ARMC9: variants seen among roughly 807,000 people sequenced by gnomAD.
ARMC9 encodes the protein armadillo repeat containing 9.
ARMC9 carries 94 observed loss-of-function variants against 107.0 expected under a neutral mutation model. The observed-to-expected ratio is 0.88, with a 90% CI of 0.74 to 1.04. The LOEUF is 1.04. ARMC9 is among the 50% of genes least tolerant of loss of function. ARMC9 has a pLI of 0.00. For synonymous variants in ARMC9, 380 were observed against 396.9 expected, an observed-to-expected ratio of 0.96 and a Z score of 0.51; for missense variants, 942 against 1,030.1, an observed-to-expected ratio of 0.91 and a Z score of 1.17.
At chr2:231,311,240 G>T (rs1417111827) in intron 19 of ARMC9, among the ~76,000 whole-genome samples, 1 of 152,232 alleles carries the variant, frequency 6.6e-6, no homozygotes, top group African/African-American at 2.4e-5. Context: ...GCAGCCGGCT[G>T]TGTGCTACTT....
rs2045327246 is a variant in ARMC9 at position 231,355,911 on chromosome 2, C to T, written c.2108C>T (p.Pro703Leu). The change falls in exon 22 of 25, where the codon CCG (proline) becomes CTG (leucine). Residue 703 changes from proline (P) to leucine (L), a missense_variant. Coordinates refer to ENST00000611582, the MANE Select transcript of ARMC9 (RefSeq NM_001352754.2). ...TACAGGGAGGGCAAGCCCAGCACCC[C>T]GGAGTCCTGCGTCTCCTCTTCATGT... ...AVYREGKPST[P>L]ESCVSSSSAI... 12 of 1,535,876 alleles carry T rather than the reference C, an allele frequency of 7.8e-6. No homozygotes were observed. In the East Asian group the frequency reaches 9.8e-5, roughly 13 times the overall value.
chr2:231,363,269 G>A (rs2045666664), intron 23 of ARMC9, among the ~76,000 whole-genome samples: 1 of 152,202 alleles, frequency 6.6e-6, no homozygotes, highest in Non-Finnish European at 1.5e-5. Context: ...GGCTTTGGTG[G>A]GGAACGTTTG....
chr2:231,209,741 G>T (rs1459801528), intron 3 of ARMC9, among the ~76,000 whole-genome samples: 1 of 152,112 alleles, frequency 6.6e-6, no homozygotes. Flanking sequence ...TCACCAGGTT[G>T]GCCAGGCTGG....
At chr2:231,322,847 C>T (rs563231997) in intron 19 of ARMC9, among the ~76,000 whole-genome samples, 32 of 152,162 alleles carry the variant, frequency 2.1e-4, no homozygotes, top group Non-Finnish European at 3.7e-4. Context: ...CCCACCCTAA[C>T]GAGGCATTTA....
intron 20 of ARMC9, among the ~76,000 whole-genome samples, chr2:231,332,422 T>C (rs1669086): frequency 0.33 from 50,271 of 151,916 alleles, 8,451 homozygotes; most frequent in Middle Eastern, 0.38. Flanking sequence ...TCACTGCGTC[T>C]TCAGGAGAAC....
rs201532523 is a variant in ARMC9, at chr2:231,282,180, A to C, written c.1626+47A>C. The C allele has an allele frequency of 2.6e-5, 41 of 1,589,768 alleles. No homozygotes were observed. In the Admixed American group the frequency reaches 5.5e-4, roughly 21 times the overall value. On this transcript the variant is annotated intron_variant, in intron 17 of 24. Coordinates refer to ENST00000611582, the MANE Select transcript of ARMC9 (RefSeq NM_001352754.2). Reference sequence around the variant, plus strand: ...ACATGTGAGCTTCCTTTAGTGCCACAGTTCAGAGCTTTTAGAGCAAGACCT... The same window carrying C: ...ACATGTGAGCTTCCTTTAGTGCCACCGTTCAGAGCTTTTAGAGCAAGACCT...
intron 13 of ARMC9, among the ~76,000 whole-genome samples, chr2:231,271,330 C>T (rs2039310980): frequency 6.6e-6 from 1 of 152,154 alleles, no homozygotes; most frequent in Non-Finnish European, 1.5e-5. Flanking sequence ...GGTTTTGTAA[C>T]ATAGTAACAT....
chr2:231,287,034 C>T (rs1273471622), intron 17 of ARMC9, among the ~76,000 whole-genome samples: 1 of 152,204 alleles, frequency 6.6e-6, no homozygotes, highest in Non-Finnish European at 1.5e-5. Context: ...GGGACCCCAA[C>T]AAACATCCTG....
chr2:231,277,543 G>A (rs992262955), intron 15 of ARMC9, among the ~76,000 whole-genome samples: 3 of 116,896 alleles, frequency 2.6e-5, no homozygotes, highest in Non-Finnish European at 1.6e-5. Flanking sequence ...TAAAAAAATA[G>A]CATGCAAAAA....
At chr2:231,304,673 A>T (rs548676513) in intron 19 of ARMC9, among the ~76,000 whole-genome samples, 2 of 152,362 alleles carry the variant, frequency 1.3e-5, no homozygotes, top group African/African-American at 4.8e-5. Context: ...CTGGGATTAC[A>T]GGTGTGAGCC....
chr2:231,334,932 G>C (rs1575119024), intron 20 of ARMC9, among the ~76,000 whole-genome samples: 1 of 152,160 alleles, frequency 6.6e-6, no homozygotes, highest in African/African-American at 2.4e-5. Flanking sequence ...ACGTTTCACT[G>C]GGAAATATGT....
chr2:231,278,765 T>C (rs2039974923), intron 16 of ARMC9, among the ~76,000 whole-genome samples: 1 of 152,116 alleles, frequency 6.6e-6, no homozygotes, highest in South Asian at 2.1e-4. Context: ...TGCCATTCCC[T>C]TGGTATGTTT....
Position 231,297,829 on chromosome 2 carries a change from T to G in ARMC9, c.1773+1576T>G, listed in dbSNP as rs1423677816. The stretch of plus-strand genomic sequence containing the variant: ...TTAAATTAATATTTAATTATTTGTT[T>G]TTAACAACTTTTTTTCATTGTGTCC... On this transcript the variant is annotated intron_variant, in intron 19 of 24. Coordinates refer to ENST00000611582, the MANE Select transcript of ARMC9 (RefSeq NM_001352754.2). This position sits in a 1 kb window ranked among gnomAD's most constrained non-coding sequence, Gnocchi z 4.2. 6.6e-6 allele frequency among the ~76,000 whole-genome samples: 1 copy of G among 152,232 alleles called. No homozygotes were observed. Among genetic ancestry groups the G allele is most frequent in the Non-Finnish European group, 1.5e-5 (1 of 68,044 alleles).
chr2:231,322,793 G>C (rs1403624516), intron 19 of ARMC9, among the ~76,000 whole-genome samples: 1 of 152,166 alleles, frequency 6.6e-6, no homozygotes, highest in African/African-American at 2.4e-5. Flanking sequence ...GGTACATAAA[G>C]ACCAGTAATT....
chr2:231,219,696 T>G (rs1259692706), intron 5 of ARMC9, among the ~76,000 whole-genome samples: 1 of 152,188 alleles, frequency 6.6e-6, no homozygotes, highest in East Asian at 1.9e-4. Context: ...TCAATTAGTA[T>G]CTCTTTGTAT....
chr2:231,337,511 C>T (rs1159809870), intron 20 of ARMC9, among the ~76,000 whole-genome samples: 119 of 127,806 alleles, frequency 9.3e-4, no homozygotes, highest in African/African-American at 1.1e-3. Context: ...GCTCTGTCGC[C>T]CAGGCTGGAG....
intron 9 of ARMC9, among the ~76,000 whole-genome samples, chr2:231,250,046 G>A (rs1230514880): frequency 6.6e-6 from 1 of 152,068 alleles, no homozygotes; most frequent in Non-Finnish European, 1.5e-5. Context: ...GGTCCACTGT[G>A]ATTGGGAGCA....
intron 3 of ARMC9, among the ~76,000 whole-genome samples, chr2:231,210,815 C>T (rs4637098): frequency 0.29 from 44,472 of 152,114 alleles, 6,955 homozygotes; most frequent in African/African-American, 0.39. Context: ...GTGTACAGTT[C>T]AGTAGTGTTA....
At chr2:231,210,816 A>AC (rs2032728764) in intron 3 of ARMC9, among the ~76,000 whole-genome samples, 1 of 152,236 alleles carries the variant, frequency 6.6e-6, no homozygotes, top group Non-Finnish European at 1.5e-5. Context: ...TGTACAGTTC[A>AC]GTAGTGTTAA....
Sources: gnomAD v4.1 joint callset for allele counts (sites outside exome capture counted in the v4.1 genomes callset) on GRCh38, gnomAD v4.1.1 for gene constraint, Gnocchi (gnomAD v3.1) non-coding constraint, MANE v1.5 for transcripts, NCBI Gene and HGNC (gene_info 2026-07-23, HGNC 2026-07-21) for gene names.